Variants in SLC30A6 observed in about 807,000 individuals in gnomAD.
SLC30A6 encodes zinc transporter 6.
In SLC30A6, 55 loss-of-function variants were observed where a neutral mutation model predicts 63.0. That is an observed-to-expected ratio of 0.87 (90% CI 0.70 to 1.09). The LOEUF is 1.09. SLC30A6 is among the 50% of genes least tolerant of loss of function. The pLI, the probability that SLC30A6 is intolerant of heterozygous loss-of-function variation, is 0.00. For synonymous variants in SLC30A6, 224 were observed against 186.1 expected, an observed-to-expected ratio of 1.20 and a Z score of -1.66; for missense variants, 587 against 549.2, an observed-to-expected ratio of 1.07 and a Z score of -0.69.
chr2:32,216,722 A>G (rs1363344246), intron 13 of SLC30A6, among the ~76,000 whole-genome samples: 2 of 151,508 alleles, frequency 1.3e-5, no homozygotes, highest in African/African-American at 4.9e-5. Context: ...TTTGAGATGT[A>G]TCTTCATGTT....
intron 1 of SLC30A6, among the ~76,000 whole-genome samples, chr2:32,166,911 C>A (rs543654142): frequency 2.0e-5 from 3 of 152,024 alleles, no homozygotes; most frequent in Non-Finnish European, 1.5e-5. Flanking sequence ...AAACATTCAC[C>A]ATTGTGAAGC....
chr2:32,220,195 T>C lies in SLC30A6; in HGVS notation c.886-18T>C, dbSNP rs1686046742. ...ATAATTCTAAGCAATCTCTTTGTTATGATTTTGCCCCTTTTAGGCTGGATC... is the reference window on the plus strand; with the variant it reads ...ATAATTCTAAGCAATCTCTTTGTTACGATTTTGCCCCTTTTAGGCTGGATC... On this transcript the variant is annotated intron_variant, in intron 13 of 13. Transcript: ENST00000282587. The C allele has an allele frequency of 2.5e-6, 4 of 1,592,152 alleles. No individual in the cohort carries two copies. Among genetic ancestry groups the C allele is most frequent in the South Asian group, 1.1e-5 (1 of 89,568 alleles).
chr2:32,200,615 C>G (rs950568725), intron 10 of SLC30A6, among the ~76,000 whole-genome samples: 1 of 150,888 alleles, frequency 6.6e-6, no homozygotes, highest in Admixed American at 6.6e-5. Flanking sequence ...GGATTAAGGG[C>G]GGTGCAAGAT....
chr2:32,166,783 C>G (rs1385429182), intron 1 of SLC30A6, among the ~76,000 whole-genome samples: 1 of 152,202 alleles, frequency 6.6e-6, no homozygotes, highest in Non-Finnish European at 1.5e-5. Flanking sequence ...GGGAAAATGC[C>G]TCATTCACAC....
intron 5 of SLC30A6, among the ~76,000 whole-genome samples, chr2:32,189,737 T>C (rs760979692): frequency 4.6e-5 from 7 of 150,920 alleles, no homozygotes; most frequent in Non-Finnish European, 1.0e-4. Flanking sequence ...GCCTCCTGAG[T>C]TGCTAGGACT....
At chr2:32,213,838 C>G (rs1479750709) in intron 13 of SLC30A6, among the ~76,000 whole-genome samples, 1 of 121,786 alleles carries the variant, frequency 8.2e-6, no homozygotes, top group Non-Finnish European at 1.6e-5. Context: ...GAGTCTCACA[C>G]TGTCACCTGG....
intron 3 of SLC30A6, 53 bp from the exon 4 acceptor site, chr2:32,175,266 A>T: frequency 6.4e-7 from 1 of 1,563,090 alleles, no homozygotes; most frequent in Non-Finnish European, 8.7e-7. Flanking sequence ...AACTTGCTGT[A>T]TTTTTTTAGA....
intron 5 of SLC30A6, among the ~76,000 whole-genome samples, chr2:32,184,588 A>G (rs754557367): frequency 2.6e-5 from 4 of 152,136 alleles, no homozygotes; most frequent in Admixed American, 6.5e-5. Context: ...AACATGGCAG[A>G]CCCCTATCTC....
chr2:32,202,771 T>C, intron 10 of SLC30A6: 2 of 717,644 alleles, frequency 2.8e-6, no homozygotes. Flanking sequence ...CAGACTTTAC[T>C]TTTTTCTGCA....
intron 4 of SLC30A6, among the ~76,000 whole-genome samples, chr2:32,180,410 CA>C (rs35253594): frequency 5.0e-3 from 584 of 117,126 alleles, no homozygotes; most frequent in Admixed American, 4.7e-3. Flanking sequence ...TACCCTGTCT[CA>C]AAAAAAAAAA....
At position 32,192,916 on chromosome 2, in the gene SLC30A6, A is replaced by G; in HGVS notation, c.366-2A>G. Reference sequence around the variant, plus strand: ...TATTTAATATATTTTTATTTCTTATAGTGCAGAACGCTTTTTGGAACAGCC... The same window carrying G: ...TATTTAATATATTTTTATTTCTTATGGTGCAGAACGCTTTTTGGAACAGCC... On this transcript the variant is annotated splice_acceptor_variant, in intron 6 of 13. Transcript: ENST00000282587. LOFTEE classifies it high-confidence loss of function. 1 of 1,507,042 alleles carries G rather than the reference A, an allele frequency of 6.6e-7. No individual in the cohort carries two copies. Among genetic ancestry groups the G allele is most frequent in the Middle Eastern group, 2.1e-4 (1 of 4,878 alleles). The allele number at this position is 1,507,042 out of a possible 1,614,324, so 93.4% of individuals were successfully genotyped here. A position where few individuals can be genotyped will look rare whatever the true frequency, so the allele number is the denominator to read the frequency against.
intron 4 of SLC30A6, among the ~76,000 whole-genome samples, chr2:32,175,752 G>A: frequency 6.6e-6 from 1 of 152,174 alleles, no homozygotes; most frequent in East Asian, 1.9e-4. Flanking sequence ...GAGGCGGGTG[G>A]ATCACTTGAG....
Position 32,201,773 on chromosome 2 carries a change from G to A in SLC30A6, c.666-2817G>A, listed in dbSNP as rs916187141. 3.7e-6 allele frequency: 5 copies of A among 1,356,500 alleles called. No homozygotes were observed. In the African/African-American group the frequency reaches 7.3e-5, roughly 20 times the overall value. 84.0% of individuals were successfully genotyped at this position (1,356,500 alleles called of 1,614,324 possible). The stretch of plus-strand genomic sequence containing the variant: ...TTTTATGAAGATTTAAACAAGATAA[G>A]CTGAAAATACATTACACAGTGCTGG... On this transcript the variant is annotated intron_variant, in intron 10 of 13. Coordinates refer to ENST00000282587, the MANE Select transcript of SLC30A6 (RefSeq NM_017964.5).
At chr2:32,172,401 A>T (rs1195407869) in intron 2 of SLC30A6, among the ~76,000 whole-genome samples, 3 of 150,152 alleles carry the variant, frequency 2.0e-5, no homozygotes, top group African/African-American at 7.4e-5. Flanking sequence ...TTTTTTTGAG[A>T]TGGAATCTTG....
In SLC30A6 at chr2:32,210,488, C is replaced by T. The variant is rs181296209; in HGVS notation, c.885+927C>T. On this transcript the variant is annotated intron_variant, in intron 13 of 13. Coordinates refer to ENST00000282587, the MANE Select transcript of SLC30A6 (RefSeq NM_017964.5). ...CGAGATCACGCCATTGCACTCTAGC[C>T]TGGGTGACAGAGTGAGACTCTGTCT... Among the ~76,000 whole-genome samples the T allele has an allele frequency of 3.7e-3, 461 of 125,636 alleles. 3 individuals carry two copies. Among genetic ancestry groups the T allele is most frequent in the African/African-American group, 0.014 (440 of 32,342 alleles). 82.4% of individuals were successfully genotyped at this position (125,636 alleles called of 152,430 possible). A position where few individuals can be genotyped will look rare whatever the true frequency, so the allele number is the denominator to read the frequency against.
intron 11 of SLC30A6, among the ~76,000 whole-genome samples, chr2:32,205,692 A>T (rs1160725791): frequency 8.5e-6 from 1 of 118,300 alleles, no homozygotes; most frequent in African/African-American, 3.3e-5. Flanking sequence ...TTTGAGACAG[A>T]GTCTCTCTCT....
At chr2:32,172,943 A>G (rs574717622) in intron 2 of SLC30A6, among the ~76,000 whole-genome samples, 1 of 152,302 alleles carries the variant, frequency 6.6e-6, no homozygotes, top group East Asian at 1.9e-4. Flanking sequence ...CACATCAGCC[A>G]TCACTCCGCC....
chr2:32,177,556 T>G (rs1681875982), intron 4 of SLC30A6: 1 of 204,388 alleles, frequency 4.9e-6, no homozygotes, highest in Non-Finnish European at 1.1e-5. Flanking sequence ...CCTACCAAAG[T>G]GCTGGGATAA....
At chr2:32,208,659 C>A (rs1042067888) in intron 12 of SLC30A6, among the ~76,000 whole-genome samples, 1 of 132,760 alleles carries the variant, frequency 7.5e-6, no homozygotes, top group Admixed American at 7.8e-5. Flanking sequence ...GTGCCGTGTT[C>A]TCTGCTTCCC....
Sources: gnomAD v4.1 joint callset for allele counts (sites outside exome capture counted in the v4.1 genomes callset) on GRCh38, gnomAD v4.1.1 for gene constraint, MANE v1.5 for transcripts, NCBI Gene and HGNC (gene_info 2026-07-23, HGNC 2026-07-21) for gene names.